PPFIA2: variants seen among roughly 807,000 people sequenced by gnomAD.
The protein encoded by PPFIA2 is liprin-alpha-2.
A neutral mutation model predicts 175.5 loss-of-function variants in PPFIA2; 46 were observed. That is an observed-to-expected ratio of 0.26 (90% CI 0.21 to 0.34). The LOEUF (loss-of-function observed/expected upper bound fraction) is 0.34, where lower values mean the gene tolerates loss of function less well. PPFIA2 is among the 10% of genes least tolerant of loss of function. PPFIA2 has a pLI of 1.00. For synonymous variants in PPFIA2, 568 were observed against 511.4 expected (o/e 1.11, Z -1.49); for missense variants, 1,179 against 1,506.1 (o/e 0.78, Z 3.60).
chr12:81,566,040 C>T (rs993198890), intron 4 of PPFIA2, among the ~76,000 whole-genome samples: 1 of 152,052 alleles, frequency 6.6e-6, no homozygotes, highest in African/African-American at 2.4e-5. Context: ...GTTCATAAGG[C>T]AAAAGTCAAT....
chr12:81,688,469 T>A (rs2074744145), intron 3 of PPFIA2, among the ~76,000 whole-genome samples: 2 of 152,030 alleles, frequency 1.3e-5, no homozygotes, highest in South Asian at 4.1e-4. Flanking sequence ...TTCAATTACA[T>A]GATGCTTAGA....
At chr12:81,487,946 A>C (rs933585193) in intron 4 of PPFIA2, among the ~76,000 whole-genome samples, 41 of 152,046 alleles carry the variant, frequency 2.7e-4, no homozygotes, top group African/African-American at 9.6e-4. Flanking sequence ...TAACATCTGC[A>C]TTTCCATTTA....
At chr12:81,537,734 C>T (rs749696679) in intron 4 of PPFIA2, among the ~76,000 whole-genome samples, 2 of 151,818 alleles carry the variant, frequency 1.3e-5, no homozygotes, top group Admixed American at 6.6e-5. Flanking sequence ...CTTCGTTTTA[C>T]CAATTTTTCC....
intron 3 of PPFIA2, among the ~76,000 whole-genome samples, chr12:81,704,823 C>T (rs1040216840): frequency 6.6e-6 from 1 of 151,722 alleles, no homozygotes; most frequent in Non-Finnish European, 1.5e-5. Flanking sequence ...GTGGCTCATA[C>T]CTGTAATCCC....
chr12:81,735,000 T>C (rs1416904148), intron 3 of PPFIA2, among the ~76,000 whole-genome samples: 2 of 151,854 alleles, frequency 1.3e-5, no homozygotes, highest in Admixed American at 6.6e-5. Context: ...GTGCTGATAG[T>C]TTGTTACTTA....
intron 3 of PPFIA2, among the ~76,000 whole-genome samples, chr12:81,716,551 A>AAC (rs35938564): frequency 0.22 from 33,106 of 147,788 alleles, 4,210 homozygotes; most frequent in Non-Finnish European, 0.28. Flanking sequence ...GGAAAGTACC[A>AAC]ACACACACAC....
chr12:81,450,317 G>T (rs2052291887), intron 5 of PPFIA2, among the ~76,000 whole-genome samples: 1 of 152,066 alleles, frequency 6.6e-6, no homozygotes, highest in Non-Finnish European at 1.5e-5. Context: ...TCCTCACTTT[G>T]TAATGATTGC....
intron 4 of PPFIA2, among the ~76,000 whole-genome samples, chr12:81,492,652 G>C (rs779634788): frequency 3.0e-4 from 45 of 152,028 alleles, no homozygotes; most frequent in Non-Finnish European, 6.5e-4. Context: ...GAAGCAGAAG[G>C]AGCCATGAAG....
intron 3 of PPFIA2, among the ~76,000 whole-genome samples, chr12:81,743,933 A>C (rs1455131949): frequency 6.6e-6 from 1 of 152,232 alleles, no homozygotes; most frequent in Non-Finnish European, 1.5e-5. Flanking sequence ...AATAAATAGT[A>C]ATTATTTATG....
chr12:81,266,683 G>A (rs10746186), intron 30 of PPFIA2, among the ~76,000 whole-genome samples: 104,734 of 151,888 alleles, frequency 0.69, 36,564 homozygotes, highest in Non-Finnish European at 0.76. Flanking sequence ...GTTGCCCAAC[G>A]TTTTGCAGTC....
chr12:81,539,072 G>T (rs2065836062), intron 4 of PPFIA2, among the ~76,000 whole-genome samples: 1 of 151,974 alleles, frequency 6.6e-6, no homozygotes, highest in African/African-American at 2.4e-5. Context: ...GTGAAAGAGA[G>T]AACTCAAGGA....
rs570064414 is a variant in PPFIA2, at chr12:81,424,829, C to A, written c.645+15143G>T. The A allele has an allele frequency of 2.6e-5, 4 of 152,236 alleles. No individual in the cohort carries two copies. In the South Asian group the frequency reaches 8.3e-4, roughly 32 times the overall value. The allele number at this position is 152,236 out of a possible 1,614,324, so 9.4% of individuals were successfully genotyped here. On this transcript the variant is annotated intron_variant, in intron 7 of 32. Coordinates refer to ENST00000549396, the MANE Select transcript of PPFIA2 (RefSeq NM_003625.5). ...GTGACAGGCACTTTAACCCATACAGCGTATTTTTATGTCCCTCAGCCCACT... is the reference window on the plus strand; with the variant it reads ...GTGACAGGCACTTTAACCCATACAGAGTATTTTTATGTCCCTCAGCCCACT...
At chr12:81,275,458 C>A (rs2040272853) in intron 28 of PPFIA2, among the ~76,000 whole-genome samples, 1 of 152,128 alleles carries the variant, frequency 6.6e-6, no homozygotes, top group African/African-American at 2.4e-5. Context: ...AAAGTAATTT[C>A]TGACATTGTT....
chr12:81,466,297 T>C (rs2055614265), intron 4 of PPFIA2, among the ~76,000 whole-genome samples: 1 of 152,204 alleles, frequency 6.6e-6, no homozygotes, highest in Non-Finnish European at 1.5e-5. Context: ...TAGAAGACTA[T>C]GTTAACATAT....
chr12:81,567,733 C>T (rs541244281), intron 4 of PPFIA2, among the ~76,000 whole-genome samples: 4 of 152,302 alleles, frequency 2.6e-5, no homozygotes, highest in African/African-American at 9.6e-5. Context: ...TGGGACCCTC[C>T]CATTCCAGGG....
chr12:81,733,565 T>C (rs1018309345), intron 3 of PPFIA2, among the ~76,000 whole-genome samples: 2 of 151,674 alleles, frequency 1.3e-5, no homozygotes, highest in Non-Finnish European at 3.0e-5. Context: ...ATAGGAAACA[T>C]ACTTTTCTGA....
chr12:81,387,051 G>A (rs955815035), intron 8 of PPFIA2, among the ~76,000 whole-genome samples: 2 of 151,740 alleles, frequency 1.3e-5, no homozygotes, highest in African/African-American at 2.4e-5. Context: ...TTTGCCCATC[G>A]ACACCTGTGT....
chr12:81,431,498 A>G (rs1443346450), intron 7 of PPFIA2: 1 of 152,218 alleles, frequency 6.6e-6, no homozygotes. Context: ...GCCATTCAAA[A>G]AGGCCTAAAA....
Position 81,562,606 on chromosome 12 carries a change from G to C in PPFIA2, c.304-104740C>G, listed in dbSNP as rs1197289453. 2.0e-5 allele frequency among the ~76,000 whole-genome samples: 3 copies of C among 151,982 alleles called. No individual in the cohort carries two copies. The East Asian group carries it at 5.8e-4, about 30-fold the overall frequency. On this transcript the variant is annotated intron_variant, in intron 4 of 32. Transcript: ENST00000549396. The stretch of plus-strand genomic sequence containing the variant: ...CTCACGCCTGTAATCCCAGCACTTT[G>C]GGAGGCCGAGGCGGGCGGATCACGA...
Sources: gnomAD v4.1 joint callset for allele counts (sites outside exome capture counted in the v4.1 genomes callset) on GRCh38, gnomAD v4.1.1 for gene constraint, MANE v1.5 for transcripts, NCBI Gene and HGNC (gene_info 2026-07-23, HGNC 2026-07-21) for gene names.